TRERF1: variants seen among roughly 807,000 people sequenced by gnomAD.
The protein encoded by TRERF1 is transcriptional regulating factor 1, also known as transcriptional-regulating factor 1.
In TRERF1, 27 loss-of-function variants were observed where a neutral mutation model predicts 122.9. The ratio of observed to expected loss-of-function variants is 0.22; its 90% CI spans 0.16 to 0.30. TRERF1 has a LOEUF of 0.30. Ranked by LOEUF, TRERF1 falls within the 10% of genes least tolerant of loss-of-function variation. TRERF1 has a pLI of 1.00. For missense variants in TRERF1, 1,248 were observed against 1,560.3 expected (o/e 0.80, Z 3.37); for synonymous variants, 636 against 641.7 (o/e 0.99, Z 0.13).
intron 2 of TRERF1, among the ~76,000 whole-genome samples, chr6:42,431,016 TG>T (rs1292983756): frequency 6.8e-6 from 1 of 147,314 alleles, no homozygotes; most frequent in Non-Finnish European, 1.5e-5. Context: ...GCTGAGATTG[TG>T]CCACTGCACT....
intron 2 of TRERF1, among the ~76,000 whole-genome samples, chr6:42,425,192 A>G (rs1017836943): frequency 5.9e-5 from 9 of 152,148 alleles, no homozygotes; most frequent in Admixed American, 5.2e-4. Context: ...TTCCTCAAAA[A>G]CAATAATAGT....
At chr6:42,359,526 C>T (rs185115393) in intron 3 of TRERF1, among the ~76,000 whole-genome samples, 2 of 152,170 alleles carry the variant, frequency 1.3e-5, no homozygotes, top group Non-Finnish European at 2.9e-5. Flanking sequence ...GAGATTGAGA[C>T]CATCCTGGCC....
chr6:42,407,706 C>A (rs1049345221), intron 2 of TRERF1, among the ~76,000 whole-genome samples: 2 of 151,908 alleles, frequency 1.3e-5, no homozygotes, highest in African/African-American at 4.8e-5. Context: ...TACAGAATTT[C>A]CCCCCTCCTT....
intron 3 of TRERF1, among the ~76,000 whole-genome samples, chr6:42,362,636 T>A (rs935152027): frequency 6.6e-6 from 1 of 152,218 alleles, no homozygotes; most frequent in Non-Finnish European, 1.5e-5. Context: ...TCTGGCAGGC[T>A]CTGTGGAGCT....
In TRERF1 at chr6:42,276,902, C is replaced by T. The variant is rs552690405; in HGVS notation, c.-258-7054G>A. 3.9e-5 allele frequency among the ~76,000 whole-genome samples: 6 copies of T among 152,274 alleles called. No homozygotes were observed. In the East Asian group the frequency reaches 9.6e-4, roughly 24 times the overall value. ...CCCTGGGGATCAGTAGGAAGCCCGACGCATAGCTCAGGAACCTGCAAAATG... is the reference window on the plus strand; with the variant it reads ...CCCTGGGGATCAGTAGGAAGCCCGATGCATAGCTCAGGAACCTGCAAAATG... On this transcript the variant is annotated intron_variant, in intron 4 of 17. Coordinates refer to ENST00000372922, the Ensembl canonical transcript of TRERF1. This position sits in a 1 kb window ranked among gnomAD's most constrained non-coding sequence, Gnocchi z 4.3.
chr6:42,429,084 T>G (rs1050331032), intron 2 of TRERF1, among the ~76,000 whole-genome samples: 2 of 152,150 alleles, frequency 1.3e-5, no homozygotes, highest in Non-Finnish European at 2.9e-5. Context: ...ACTGAACAAA[T>G]GAATGAAAGC....
At chr6:42,373,692 G>C (rs188588567) in intron 2 of TRERF1, among the ~76,000 whole-genome samples, 1 of 151,732 alleles carries the variant, frequency 6.6e-6, no homozygotes, top group African/African-American at 2.4e-5. Context: ...TTAGCCAGGC[G>C]TGGTGGCACA....
At chr6:42,408,009 T>C (rs923452458) in intron 2 of TRERF1, among the ~76,000 whole-genome samples, 80 of 151,770 alleles carry the variant, frequency 5.3e-4, no homozygotes, top group African/African-American at 1.9e-3. Flanking sequence ...AAAAAGAAAG[T>C]GAAACACCTT....
intron 5 of TRERF1, among the ~76,000 whole-genome samples, chr6:42,266,533 A>G (rs1430041795): frequency 6.6e-6 from 1 of 152,162 alleles, no homozygotes; most frequent in African/African-American, 2.4e-5. Context: ...TCTCATTCTT[A>G]TATTTACAAA....
chr6:42,398,253 C>T (rs1320531574), intron 2 of TRERF1, among the ~76,000 whole-genome samples: 2 of 152,186 alleles, frequency 1.3e-5, no homozygotes, highest in Admixed American at 6.5e-5. Flanking sequence ...CTATCTCCAA[C>T]CCTACCCCCA....
At chr6:42,401,512 T>C (rs144185739) in intron 2 of TRERF1, among the ~76,000 whole-genome samples, 5 of 152,268 alleles carry the variant, frequency 3.3e-5, no homozygotes, top group South Asian at 2.1e-4. Flanking sequence ...GCTACATAAC[T>C]TAACCAGAGC....
chr6:42,241,032 A>G (rs1773576436), intron 15 of TRERF1, among the ~76,000 whole-genome samples: 1 of 152,110 alleles, frequency 6.6e-6, no homozygotes, highest in South Asian at 2.1e-4. Context: ...AGTGGGGACT[A>G]CAGGCGTGCA....
chr6:42,329,000 T>C (rs962640366), intron 3 of TRERF1, among the ~76,000 whole-genome samples: 1 of 152,042 alleles, frequency 6.6e-6, no homozygotes, highest in Non-Finnish European at 1.5e-5. Flanking sequence ...GAAACACACA[T>C]TGGAAGCTAA....
At chr6:42,332,849 T>C (rs1765468647) in intron 3 of TRERF1, among the ~76,000 whole-genome samples, 3 of 151,762 alleles carry the variant, frequency 2.0e-5, no homozygotes, top group African/African-American at 7.3e-5. Flanking sequence ...ATGAGGAGGG[T>C]CTTCTACGGA....
intron 2 of TRERF1, among the ~76,000 whole-genome samples, 160 bp from the exon 3 acceptor site, chr6:42,363,239 T>G (rs918337359): frequency 6.6e-6 from 1 of 152,164 alleles, no homozygotes; most frequent in African/African-American, 2.4e-5. Flanking sequence ...CAAAGGCTGC[T>G]GAGGAAGGTC....
chr6:42,277,974 A>AGAAG (rs1161319382), intron 4 of TRERF1, among the ~76,000 whole-genome samples: 6 of 147,002 alleles, frequency 4.1e-5, no homozygotes, highest in Non-Finnish European at 7.5e-5. Flanking sequence ...AAGAAGAAGA[A>AGAAG]GACTGCAATA....
intron 4 of TRERF1, among the ~76,000 whole-genome samples, chr6:42,300,355 C>A (rs940108693): frequency 6.6e-6 from 1 of 151,658 alleles, no homozygotes; most frequent in Non-Finnish European, 1.5e-5. Flanking sequence ...GATACCCCAT[C>A]CTGTAAGACC....
chr6:42,420,999 A>G (rs1782676277), intron 2 of TRERF1, among the ~76,000 whole-genome samples: 1 of 152,232 alleles, frequency 6.6e-6, no homozygotes, highest in Non-Finnish European at 1.5e-5. Flanking sequence ...AGTAGAAGGT[A>G]GTGAATATGC....
intron 3 of TRERF1, among the ~76,000 whole-genome samples, chr6:42,345,631 T>C (rs1167872552): frequency 6.6e-6 from 1 of 152,216 alleles, no homozygotes; most frequent in Non-Finnish European, 1.5e-5. Context: ...ATTAGAATGT[T>C]CCAGAAAATG....
Sources: gnomAD v4.1 joint callset for allele counts (sites outside exome capture counted in the v4.1 genomes callset) on GRCh38, gnomAD v4.1.1 for gene constraint, Gnocchi (gnomAD v3.1) non-coding constraint, MANE v1.5 for transcripts, NCBI Gene and HGNC (gene_info 2026-07-23, HGNC 2026-07-21) for gene names.